TNRC18: variants seen among roughly 807,000 people sequenced by gnomAD.
The protein encoded by TNRC18 is trinucleotide repeat containing 18.
In TNRC18, 69 loss-of-function variants were observed where a neutral mutation model predicts 226.7. The observed-to-expected ratio is 0.30, with a 90% confidence interval of 0.25 to 0.37. The LOEUF is 0.37. Among genes scored for constraint, TNRC18 ranks in the 10% least tolerant of loss-of-function variants. TNRC18 has a pLI of 1.00. For synonymous variants in TNRC18, 2,449 were observed against 1,927.6 expected (o/e 1.27, Z -7.09); for missense variants, 4,754 against 4,256.6 (o/e 1.12, Z -3.25).
At position 5,371,275 on chromosome 7, in the gene TNRC18, C is replaced by T. The variant is rs1453756880; in HGVS notation, c.3319G>A (p.Ala1107Thr). ...FLLQPTAAAD[A>T]DGLAPDVPLP... ...GGCACATCAGGGGCCAAGCCGTCCGCGTCGGCGGCGGCCGTGGGCTGCAGC... is the reference window on the plus strand; with the variant it reads ...GGCACATCAGGGGCCAAGCCGTCCGTGTCGGCGGCGGCCGTGGGCTGCAGC... Residue 1107 changes from alanine (A) to threonine (T), a missense_variant, in exon 11 of 30, where the codon GCG becomes ACG. Coordinates refer to ENST00000430969, the MANE Select transcript of TNRC18 (RefSeq NM_001080495.3). 8.2e-6 allele frequency: 13 copies of T among 1,587,258 alleles called. No homozygotes were observed. Among genetic ancestry groups the T allele is most frequent in the Middle Eastern group, 1.7e-4 (1 of 5,952 alleles).
At chr7:5,379,422 A>G (rs1009330284) in intron 5 of TNRC18, among the ~76,000 whole-genome samples, 2 of 151,380 alleles carry the variant, frequency 1.3e-5, no homozygotes, top group African/African-American at 4.8e-5. Flanking sequence ...AAATCAAGAT[A>G]GAAAAGTAAA....
At position 5,313,430 on chromosome 7, in the gene TNRC18, C is replaced by T. The variant is rs188607046; in HGVS notation, c.7461G>A (p.Pro2487=). 84,115 of 1,608,662 alleles carry T rather than the reference C, an allele frequency of 0.052. 2,470 individuals carry two copies. Among genetic ancestry groups the T allele is most frequent in the Admixed American group, 0.12 (6,989 of 59,242 alleles). The change falls in exon 27 of 30, where the codon CCG becomes CCA. Residue 2487 remains proline, a synonymous_variant. Transcript: ENST00000430969. ...AKEALLLRED[P]GAGGWQEPKS... is the part of the protein sequence containing the mutation. ...TGGGCTCCTGCCAGCCCCCCGCCCC[C>T]GGATCCTCCCGGAGCAGCAGGGCCT...
chr7:5,420,200 T>C (rs1782464731), intron 2 of TNRC18: 1 of 347,364 alleles, frequency 2.9e-6, no homozygotes, highest in Non-Finnish European at 5.7e-6. Context: ...CCACCGCGCC[T>C]GGGCAGCCCG....
rs757059131 is a variant in TNRC18 at position 5,388,314 on chromosome 7, T to C, written c.1510A>G (p.Thr504Ala). The change falls in exon 5 of 30, where the codon ACC (threonine) becomes GCC (alanine). Residue 504 changes from threonine (T) to alanine (A), a missense_variant. Transcript: ENST00000430969. The stretch of plus-strand genomic sequence containing the variant: ...GGTTTCCATTTATGCTCAGGGCCGG[T>C]GGGCGGGGGGCGCCCGGGCTCCAGG... ...FGLEPGRPPPTGPEHKWKPFE... is the reference protein window; with the variant it reads ...FGLEPGRPPPAGPEHKWKPFE... 10 of 937,360 alleles carry C rather than the reference T, an allele frequency of 1.1e-5. No individual in the cohort carries two copies. In the Admixed American group the frequency reaches 1.9e-4, roughly 18 times the overall value. The allele number at this position is 937,360 out of a possible 1,614,324, so 58.1% of individuals were successfully genotyped here. A position where few individuals can be genotyped will look rare whatever the true frequency, so the allele number is the denominator to read the frequency against.
intron 5 of TNRC18, among the ~76,000 whole-genome samples, chr7:5,384,812 G>A (rs1025440691): frequency 6.6e-6 from 1 of 152,236 alleles, no homozygotes; most frequent in Non-Finnish European, 1.5e-5. Context: ...CTCATGCAAA[G>A]CCCCAGGGTC....
chr7:5,333,142 C>A, intron 18 of TNRC18, 93 bp from the exon 19 acceptor site: 1 of 1,396,566 alleles, frequency 7.2e-7, no homozygotes, highest in Non-Finnish European at 9.8e-7. Context: ...CCCGGCGGGA[C>A]CTCCCCGCCA....
chr7:5,411,215 CAA>C (rs35392221), intron 2 of TNRC18, among the ~76,000 whole-genome samples: 40 of 75,980 alleles, frequency 5.3e-4, no homozygotes, highest in South Asian at 8.5e-4. Flanking sequence ...GACTCCATCT[CAA>C]AAAAAAAAAA....
chr7:5,321,294 G>T, intron 21 of TNRC18, 104 bp from the exon 22 acceptor site: 1 of 815,892 alleles, frequency 1.2e-6, no homozygotes. Context: ...GGAGGCCCTG[G>T]TACCGGGTGG....
At position 5,351,800 on chromosome 7, in the gene TNRC18, T is replaced by C; in HGVS notation, c.5470+19A>G. 2 of 1,558,960 alleles carry C rather than the reference T, an allele frequency of 1.3e-6. No homozygotes were observed. Among genetic ancestry groups the C allele is most frequent in the Non-Finnish European group, 1.7e-6 (2 of 1,154,166 alleles). On this transcript the variant is annotated intron_variant, in intron 17 of 29. Coordinates refer to ENST00000430969, the MANE Select transcript of TNRC18 (RefSeq NM_001080495.3). Reference sequence around the variant, plus strand: ...TCGCTAGGAAACACGGAAGGTATTTTGTGTTTGGAGCTAGTAACCTTGGTC... The same window carrying C: ...TCGCTAGGAAACACGGAAGGTATTTCGTGTTTGGAGCTAGTAACCTTGGTC...
At position 5,374,470 on chromosome 7, in the gene TNRC18, C is replaced by G; in HGVS notation, c.2814G>C (p.Lys938Asn). Residue 938 changes from lysine to asparagine, a missense_variant, in exon 10 of 30, where the codon AAG (lysine) becomes AAC (asparagine). By Grantham distance (94) the Lys-to-Asn change is moderately conservative (BLOSUM62 0). Transcript: ENST00000430969. ...RSAQLVQERL[K>N]AQEHRAEMEE... is the part of the protein sequence containing the mutation. ...CCATCTCCGCCCGGTGCTCCTGCGC[C>G]TTCAACCGCTCCTGCTGGGAAGGGG... The G allele has an allele frequency of 1.3e-6, 2 of 1,546,832 alleles. No homozygotes were observed. The highest frequency in any genetic ancestry group is 1.7e-6 in the Non-Finnish European group (2 of 1,145,576).
At chr7:5,361,014 G>A (rs903965323) in intron 14 of TNRC18, among the ~76,000 whole-genome samples, 1 of 152,216 alleles carries the variant, frequency 6.6e-6, no homozygotes, top group African/African-American at 2.4e-5. Context: ...CAGACACCGA[G>A]GGAAGGACGA....
At chr7:5,329,043 C>T (rs1384863455) in intron 19 of TNRC18, among the ~76,000 whole-genome samples, 3 of 152,066 alleles carry the variant, frequency 2.0e-5, no homozygotes, top group African/African-American at 7.2e-5. Flanking sequence ...TGGCTCATGC[C>T]TATAATCGCA....
At chr7:5,311,110 G>A (rs2128101812) in intron 27 of TNRC18, among the ~76,000 whole-genome samples, 1 of 152,392 alleles carries the variant, frequency 6.6e-6, no homozygotes, top group South Asian at 2.1e-4. Flanking sequence ...GTACGTGCCT[G>A]CATTCACATG....
Position 5,394,630 on chromosome 7 carries a change from C to T in TNRC18, c.188-35G>A. The T allele has an allele frequency of 6.6e-7, 1 of 1,519,024 alleles. No homozygotes were observed. Among genetic ancestry groups the T allele is most frequent in the South Asian group, 1.2e-5 (1 of 81,522 alleles). The allele number at this position is 1,519,024 out of a possible 1,614,324, so 94.1% of individuals were successfully genotyped here. A position where few individuals can be genotyped will look rare whatever the true frequency, so the allele number is the denominator to read the frequency against. On this transcript the variant is annotated intron_variant, in intron 2 of 29. Coordinates refer to ENST00000430969, the MANE Select transcript of TNRC18 (RefSeq NM_001080495.3). This position sits in a 1 kb window ranked among gnomAD's most constrained non-coding sequence, Gnocchi z 4.5. ...GAAGTTGGGAGGACCGTCAGGCAGA[C>T]AACCAGGGAGGCGCCGCCGCCCCAG...
rs780459767 is a variant in TNRC18, at chr7:5,312,759, C to A, written c.8132G>T (p.Arg2711Leu). 6.5e-6 allele frequency: 10 copies of A among 1,533,502 alleles called. No homozygotes were observed. The highest frequency in any genetic ancestry group is 8.7e-6 in the Non-Finnish European group (10 of 1,145,606). The allele number at this position is 1,533,502 out of a possible 1,614,324, so 95.0% of individuals were successfully genotyped here. A position where few individuals can be genotyped will look rare whatever the true frequency, so the allele number is the denominator to read the frequency against. ...CTTGCCTGGGGAGTGGGCCGAGGGC[C>A]GCGCCTTGCCGGCCTGCTTGGTGGC... The part of the protein sequence containing the change: ...TKATKQAGKA[R>L]PSAHSPGKKT... The change falls in exon 27 of 30, where the codon CGG (arginine) becomes CTG (leucine). Residue 2711 changes from arginine to leucine, a missense_variant. Arg to Leu is a moderately radical substitution (Grantham distance 102). Transcript: ENST00000430969. This position sits in a 1 kb window ranked among gnomAD's most constrained non-coding sequence, Gnocchi z 6.3.
At chr7:5,391,351 G>A (rs1780284307) in intron 3 of TNRC18, among the ~76,000 whole-genome samples, 1 of 151,756 alleles carries the variant, frequency 6.6e-6, no homozygotes, top group African/African-American at 2.4e-5. Context: ...TTACTCTGTG[G>A]CCCAGGCTGG....
intron 2 of TNRC18, among the ~76,000 whole-genome samples, chr7:5,408,776 G>A (rs10274467): frequency 0.12 from 18,467 of 152,206 alleles, 1,935 homozygotes; most frequent in African/African-American, 0.27. Flanking sequence ...CAGCAATTCT[G>A]GAGACTGAAT....
intron 17 of TNRC18, among the ~76,000 whole-genome samples, chr7:5,349,416 TTTATTA>T (rs953440001): frequency 2.6e-5 from 4 of 152,028 alleles, no homozygotes; most frequent in South Asian, 2.1e-4. Context: ...AGAAAAACTT[TTTATTA>T]TTATTATTAT....
rs369889540 is a variant in TNRC18, at chr7:5,313,292, G to C, written c.7599C>G (p.Leu2533=). The C allele has an allele frequency of 1.3e-6, 2 of 1,548,478 alleles. No individual in the cohort carries two copies. The highest frequency in any genetic ancestry group is 1.7e-6 in the Non-Finnish European group (2 of 1,146,598). Reference sequence around the variant, plus strand: ...TGGGGTTCCCAGAGTCCTCGAACGTGAGCCCCGGCCCGGGCTCCTGGGCGA... The same window carrying C: ...TGGGGTTCCCAGAGTCCTCGAACGTCAGCCCCGGCCCGGGCTCCTGGGCGA... ...GDLAQEPGPG[L]TFEDSGNPKS... Residue 2533 remains leucine (L), a synonymous_variant, in exon 27 of 30, where the codon CTC becomes CTG. Transcript: ENST00000430969.
Sources: allele counts gnomAD v4.1 joint callset (sites outside exome capture counted in the v4.1 genomes callset), GRCh38; gene constraint gnomAD v4.1.1; non-coding constraint Gnocchi (gnomAD v3.1); transcripts MANE v1.5; gene names NCBI Gene and HGNC (gene_info 2026-07-23, HGNC 2026-07-21).